ESR2: variants seen among roughly 807,000 people sequenced by gnomAD.
ESR2 encodes the protein estrogen receptor beta.
A neutral mutation model predicts 49.6 loss-of-function variants in ESR2; 36 were observed. The ratio of observed to expected loss-of-function variants is 0.73; its 90% CI spans 0.56 to 0.96. ESR2 has a LOEUF of 0.96. Ranked by LOEUF, ESR2 falls within the 40% of genes least tolerant of loss-of-function variation. ESR2 has a pLI of 0.00. For synonymous variants in ESR2, 320 were observed against 266.1 expected (o/e 1.20, Z -1.97); for missense variants, 714 against 693.0 (o/e 1.03, Z -0.34).
At chr14:64,311,205 A>G (rs2077184094) in intron 1 of ESR2, among the ~76,000 whole-genome samples, 1 of 152,214 alleles carries the variant, frequency 6.6e-6, no homozygotes, top group Non-Finnish European at 1.5e-5. Context: ...AAAGAAAATT[A>G]TTAATATTTT....
chr14:64,325,953 T>G (rs145865875), intron 1 of ESR2, among the ~76,000 whole-genome samples: 1 of 151,942 alleles, frequency 6.6e-6, no homozygotes, highest in Non-Finnish European at 1.5e-5. Context: ...GTAGTTAAGT[T>G]TGGGAGGAGT....
intron 1 of ESR2, among the ~76,000 whole-genome samples, chr14:64,308,007 T>G (rs1365587640): frequency 6.6e-6 from 1 of 152,152 alleles, no homozygotes. Context: ...TTTGTTTGTT[T>G]GTTTGTTGTT....
At chr14:64,234,822 T>C (rs2098730873) in intron 8 of ESR2, 148 bp downstream of exon 8, 1 of 1,448,128 alleles carries the variant, frequency 6.9e-7, no homozygotes, top group African/African-American at 1.4e-5. Flanking sequence ...CATCTTTGCT[T>C]ACAGGTGTGT....
At chr14:64,330,094 T>G (rs28435160) in intron 1 of ESR2, 24,609 of 150,298 alleles carry the variant, frequency 0.16, 2,713 homozygotes, top group African/African-American at 0.31. Context: ...TCCTTTCTGG[T>G]CAAAAAGAGC....
In ESR2 at chr14:64,229,674, A is replaced by G. The variant is rs1226182436; in HGVS notation, c.*3463T>C. On this transcript the variant is annotated 3_prime_UTR_variant, in exon 9 of 9. Transcript: ENST00000341099. ...CACTGGACTTGGACTGCCTGTGTTCAGCTCAATCACCTACTCCCCACGTGA... is the reference window on the plus strand; with the variant it reads ...CACTGGACTTGGACTGCCTGTGTTCGGCTCAATCACCTACTCCCCACGTGA... Among the ~76,000 whole-genome samples the G allele has an allele frequency of 6.6e-6, 1 of 152,218 alleles. No individual in the cohort carries two copies. Among genetic ancestry groups the G allele is most frequent in the African/African-American group, 2.4e-5 (1 of 41,450 alleles).
chr14:64,233,299 G>A lies in ESR2; in HGVS notation c.1431C>T (p.Leu477=), dbSNP rs2140607576. ...HASNKGMEHL[L]NMKCKNVVPV... is the part of the protein sequence containing the mutation. ...GGACCACATTTTTGCACTTCATGTT[G>A]AGCAGATGTTCCATGCCCTTGTTAC... The change falls in exon 9 of 9, where the codon CTC becomes CTT. Residue 477 remains leucine, a synonymous_variant. Coordinates refer to ENST00000341099, the MANE Select transcript of ESR2 (RefSeq NM_001437.3). The A allele has an allele frequency of 6.2e-7, 1 of 1,613,908 alleles. No homozygotes were observed.
At chr14:64,265,622 G>T (rs2076313961) in intron 4 of ESR2, among the ~76,000 whole-genome samples, 1 of 152,158 alleles carries the variant, frequency 6.6e-6, no homozygotes, top group South Asian at 2.1e-4. Context: ...TCCCAATATG[G>T]GGATATAGGC....
chr14:64,256,976 C>T (rs1411172745), intron 6 of ESR2, among the ~76,000 whole-genome samples: 1 of 152,126 alleles, frequency 6.6e-6, no homozygotes, highest in Non-Finnish European at 1.5e-5. Flanking sequence ...CTACGGGATA[C>T]AGTCCCCTAT....
chr14:64,263,632 G>A (rs2076265704), intron 4 of ESR2, among the ~76,000 whole-genome samples: 1 of 152,016 alleles, frequency 6.6e-6, no homozygotes, highest in Non-Finnish European at 1.5e-5. Flanking sequence ...CTGGGTGACA[G>A]AGCAAGACTT....
chr14:64,237,110 G>A (rs1417493170), intron 7 of ESR2, among the ~76,000 whole-genome samples: 1 of 151,964 alleles, frequency 6.6e-6, no homozygotes, highest in African/African-American at 2.4e-5. Context: ...ACAGGCATGC[G>A]CCACCATGCC....
intron 6 of ESR2, 55 bp from the exon 7 acceptor site, chr14:64,249,734 A>G (rs1483953214): frequency 1.3e-6 from 2 of 1,542,746 alleles, no homozygotes; most frequent in African/African-American, 1.4e-5. Context: ...ACCATCAAAA[A>G]AACAATAAGG....
intron 8 of ESR2, chr14:64,234,662 G>T: frequency 2.0e-6 from 1 of 494,548 alleles, no homozygotes; most frequent in Non-Finnish European, 3.5e-6. Flanking sequence ...AACAGGGGTG[G>T]CAGTTCGTGT....
intron 4 of ESR2, among the ~76,000 whole-genome samples, chr14:64,268,055 A>T (rs1465029167): frequency 4.6e-5 from 7 of 152,206 alleles, no homozygotes; most frequent in Admixed American, 1.3e-4. Context: ...AAGTGAGTAC[A>T]GACAAGTGAA....
intron 1 of ESR2, chr14:64,337,768 A>G (rs1237116876): frequency 6.6e-6 from 1 of 152,208 alleles, no homozygotes. Flanking sequence ...AAATACTAAA[A>G]GCCCCCCAAA....
chr14:64,316,761 A>T (rs1274331617), intron 1 of ESR2, among the ~76,000 whole-genome samples: 7 of 152,154 alleles, frequency 4.6e-5, no homozygotes, highest in Non-Finnish European at 8.8e-5. Context: ...GTGAGCCCAG[A>T]TCCCACGACT....
At chr14:64,261,239 C>CTTT (rs58982771) in intron 4 of ESR2, among the ~76,000 whole-genome samples, 14 of 127,078 alleles carry the variant, frequency 1.1e-4, no homozygotes, top group Admixed American at 1.8e-4. Context: ...TTTCTTTTTT[C>CTTT]TTTTTTTTTT....
At chr14:64,259,029 A>G (rs1039664008) in intron 5 of ESR2, among the ~76,000 whole-genome samples, 3 of 152,224 alleles carry the variant, frequency 2.0e-5, no homozygotes, top group African/African-American at 7.2e-5. Context: ...AAGAAGGTGC[A>G]CAGCTTTCAG....
chr14:64,284,383 A>C (rs557738595), intron 1 of ESR2, among the ~76,000 whole-genome samples: 1 of 151,382 alleles, frequency 6.6e-6, no homozygotes, highest in Non-Finnish European at 1.5e-5. Flanking sequence ...CTGGAGTGCA[A>C]TGGCGCCATA....
Position 64,234,985 on chromosome 14 carries a change from T to A in ESR2, c.1391A>T (p.His464Leu). 6.2e-7 allele frequency: 1 copy of A among 1,614,092 alleles called. No homozygotes were observed. The highest frequency in any genetic ancestry group is 1.1e-5 in the South Asian group (1 of 91,078). Residue 464 changes from histidine (H) to leucine (L), a missense_variant, in exon 8 of 9, where the codon CAC becomes CTC. Physicochemically the swap from His to Leu is moderately conservative, Grantham distance 99 (BLOSUM62 -3). Coordinates refer to ENST00000341099, the MANE Select transcript of ESR2 (RefSeq NM_001437.3). Reference sequence around the variant, plus strand: ...GGGCGCGTACCTCGCATGCCTGACGTGGGACAGGAGCATCAGGAGGTTAGC... The same window carrying A: ...GGGCGCGTACCTCGCATGCCTGACGAGGGACAGGAGCATCAGGAGGTTAGC... ...RLANLLMLLS[H>L]VRHASNKGME...
Sources: allele counts gnomAD v4.1 joint callset (sites outside exome capture counted in the v4.1 genomes callset), GRCh38; gene constraint gnomAD v4.1.1; transcripts MANE v1.5; gene names NCBI Gene and HGNC (gene_info 2026-07-23, HGNC 2026-07-21).